The following ACACB variants were observed in gnomAD, a reference collection of about 807,000 sequenced individuals.
ACACB encodes acetyl-CoA carboxylase 2.
Under a neutral mutation model 278.8 loss-of-function variants are expected in ACACB, and 209 were observed. The observed-to-expected ratio is 0.75, with a 90% CI of 0.67 to 0.84. The LOEUF (loss-of-function observed/expected upper bound fraction) is 0.84. ACACB is among the 40% of genes least tolerant of loss of function. The pLI, the probability that ACACB is intolerant of heterozygous loss-of-function variation, is 0.00. For missense variants in ACACB, 2,850 were observed against 3,269.0 expected (o/e 0.87, Z 3.13); for synonymous variants, 1,174 against 1,285.6 (o/e 0.91, Z 1.86).
intron 31 of ACACB, 73 bp downstream of exon 31, chr12:109,234,118 C>A: frequency 1.5e-6 from 2 of 1,302,230 alleles, no homozygotes; most frequent in Non-Finnish European, 1.1e-6. Flanking sequence ...GTCGAGGCGG[C>A]CCTTGGGGAG....
chr12:109,123,446 CT>C (rs1338215016), intron 1 of ACACB, among the ~76,000 whole-genome samples: 1 of 151,856 alleles, frequency 6.6e-6, no homozygotes, highest in African/African-American at 2.4e-5. Flanking sequence ...AATTCCAGCA[CT>C]TTGGGAGGCC....
upstream of ACACB, among the ~76,000 whole-genome samples, chr12:109,116,046 C>T (rs1381402533): frequency 1.3e-5 from 2 of 152,218 alleles, no homozygotes; most frequent in African/African-American, 2.4e-5. Flanking sequence ...TGCTGAATTT[C>T]CTCTTCTGTG....
chr12:109,127,876 G>A (rs2042719962), intron 1 of ACACB, among the ~76,000 whole-genome samples: 1 of 152,072 alleles, frequency 6.6e-6, no homozygotes, highest in Non-Finnish European at 1.5e-5. Flanking sequence ...AAGTTGTCAC[G>A]TATCTTCTTC....
intron 1 of ACACB, chr12:109,125,155 G>T (rs981842900): frequency 3.3e-5 from 5 of 152,194 alleles, no homozygotes; most frequent in Admixed American, 6.5e-5. Flanking sequence ...AGAGTAATGA[G>T]TAGCCCTAGC....
chr12:109,225,230 C>A (rs1407434213), intron 27 of ACACB, among the ~76,000 whole-genome samples: 1 of 152,162 alleles, frequency 6.6e-6, no homozygotes, highest in Non-Finnish European at 1.5e-5. Flanking sequence ...TACGCTCAAG[C>A]GATCCTCCTG....
At chr12:109,188,221 CCTTCCTTCCTT>C in intron 13 of ACACB, 59 bp downstream of exon 13, 1 of 1,445,756 alleles carries the variant, frequency 6.9e-7, no homozygotes, top group African/African-American at 1.4e-5. Context: ...TTCCTTCCTT[CCTTCCTTCCTT>C]CCCTCTCTCC....
At position 109,175,231 on chromosome 12, in the gene ACACB, T is replaced by TC. The variant is rs200420638; in HGVS notation, c.1217-692dup. On this transcript the variant is annotated intron_variant, in intron 7 of 52. Coordinates refer to ENST00000338432, the MANE Select transcript of ACACB (RefSeq NM_001093.4). ...GTTTCCTATTAAATTTGTTTTTTTT[T>TC]CCCCCCCCAAAAGTTGAATTTTAAA... 5.0e-3 allele frequency among the ~76,000 whole-genome samples: 747 copies of TC among 149,870 alleles called. 4 individuals carry two copies. The highest frequency in any genetic ancestry group is 0.014 in the Middle Eastern group (4 of 292).
intron 35 of ACACB, among the ~76,000 whole-genome samples, chr12:109,240,322 A>G (rs1459656926): frequency 6.6e-6 from 1 of 152,024 alleles, no homozygotes; most frequent in African/African-American, 2.4e-5. Flanking sequence ...CTGTGGCTGA[A>G]TGTTCCCTGT....
intron 50 of ACACB, among the ~76,000 whole-genome samples, chr12:109,264,626 A>T (rs1410764003): frequency 1.3e-5 from 2 of 152,114 alleles, no homozygotes; most frequent in Non-Finnish European, 2.9e-5. Flanking sequence ...GATCCCCAAG[A>T]GATTCTAATA....
At chr12:109,157,313 G>A (rs996945051) in intron 2 of ACACB, among the ~76,000 whole-genome samples, 1 of 106,692 alleles carries the variant, frequency 9.4e-6, no homozygotes, top group East Asian at 2.8e-4. Flanking sequence ...ACAGGGTCTT[G>A]CTCTGTTGCC....
At chr12:109,262,817 A>G (rs1295239888) in intron 49 of ACACB, among the ~76,000 whole-genome samples, 3 of 151,320 alleles carry the variant, frequency 2.0e-5, no homozygotes, top group East Asian at 3.9e-4. Flanking sequence ...GGGTTTCGCC[A>G]TGTTGCCCAG....
intron 2 of ACACB, among the ~76,000 whole-genome samples, chr12:109,155,911 T>G (rs916726350): frequency 3.3e-5 from 5 of 152,242 alleles, no homozygotes; most frequent in African/African-American, 1.2e-4. Flanking sequence ...GCTGCTTTTG[T>G]GCCTCACTGG....
In ACACB at chr12:109,247,607, G is replaced by A. The variant is rs762985234; in HGVS notation, c.5573G>A (p.Gly1858Glu). 1 of 1,612,126 alleles carries A rather than the reference G, an allele frequency of 6.2e-7. No individual in the cohort carries two copies. The highest frequency in any genetic ancestry group is 1.1e-5 in the South Asian group (1 of 90,996). ...AWVDPEDPHK[G>E]FKYLYLTPQD... ...AGCCTCACTAAAGTATTTTTTAAGG[G>A]ATTTAAATACCTGTACCTGACTCCC... The change falls in exon 40 of 53, where the codon GGA becomes GAA. Residue 1858 changes from glycine (G) to glutamate (E), a missense_variant and splice_region_variant. Coordinates refer to ENST00000338432, the MANE Select transcript of ACACB (RefSeq NM_001093.4).
intron 2 of ACACB, among the ~76,000 whole-genome samples, chr12:109,143,125 A>C (rs2043159725): frequency 6.6e-6 from 1 of 152,110 alleles, no homozygotes; most frequent in African/African-American, 2.4e-5. Flanking sequence ...AACTTGGGTG[A>C]GTCCCTTCCC....
At position 109,168,582 on chromosome 12, in the gene ACACB, A is replaced by G. The variant is rs143287702; in HGVS notation, c.925+548A>G. On this transcript the variant is annotated intron_variant, in intron 4 of 52. Coordinates refer to ENST00000338432, the MANE Select transcript of ACACB (RefSeq NM_001093.4). ...TGTAATCCCAGCACTTTGGGAGGCT[A>G]AGGTGGGAGGATTGCTTGAGCCCTT... Among the ~76,000 whole-genome samples, 1,329 of 152,134 alleles carry G rather than the reference A, an allele frequency of 8.7e-3. 24 individuals are homozygous for G. Among genetic ancestry groups the G allele is most frequent in the African/African-American group, 0.031 (1,273 of 41,496 alleles).
intron 2 of ACACB, among the ~76,000 whole-genome samples, chr12:109,162,907 A>G (rs924390366): frequency 2.6e-5 from 4 of 152,054 alleles, no homozygotes; most frequent in Admixed American, 6.6e-5. Flanking sequence ...CTTCCCTGAC[A>G]TTTGGGTTCA....
chr12:109,172,398 G>A, intron 6 of ACACB, 42 bp downstream of exon 6: 1 of 1,579,098 alleles, frequency 6.3e-7, no homozygotes. Context: ...TTGGGGTATT[G>A]CTGGGACACT....
upstream of ACACB, chr12:109,113,080 A>G (rs2135907727): frequency 6.6e-6 from 1 of 152,348 alleles, no homozygotes; most frequent in African/African-American, 2.4e-5. Flanking sequence ...TAACAAATGT[A>G]AAAACCACTC....
At position 109,171,801 on chromosome 12, in the gene ACACB, T is replaced by G; in HGVS notation, c.926-4T>G. The stretch of plus-strand genomic sequence containing the variant: ...CCTTCCTTCTCCCTCCCATTTAATT[T>G]CAGAGTACATCAAGATGGCGGATCA... On this transcript the variant is annotated splice_polypyrimidine_tract_variant and splice_region_variant and intron_variant, in intron 4 of 52. Coordinates refer to ENST00000338432, the MANE Select transcript of ACACB (RefSeq NM_001093.4). 6.2e-7 allele frequency: 1 copy of G among 1,610,824 alleles called. No individual in the cohort carries two copies. The highest frequency in any genetic ancestry group is 8.5e-7 in the Non-Finnish European group (1 of 1,177,044).
Sources: gnomAD v4.1 joint callset for allele counts (sites outside exome capture counted in the v4.1 genomes callset) on GRCh38, gnomAD v4.1.1 for gene constraint, MANE v1.5 for transcripts, NCBI Gene and HGNC (gene_info 2026-07-23, HGNC 2026-07-21) for gene names.